ARID4A: variants seen among roughly 807,000 people sequenced by gnomAD.
ARID4A encodes AT-rich interaction domain 4A.
In ARID4A, 39 loss-of-function variants were observed where a neutral mutation model predicts 148.6. The observed-to-expected ratio is 0.26, with a 90% CI of 0.20 to 0.34. ARID4A has a LOEUF of 0.34. ARID4A is among the 10% of genes least tolerant of loss of function. ARID4A has a pLI of 1.00. For missense variants in ARID4A, 1,265 were observed against 1,449.1 expected (o/e 0.87, Z 2.06); for synonymous variants, 475 against 481.2 (o/e 0.99, Z 0.17).
intron 8 of ARID4A, among the ~76,000 whole-genome samples, chr14:58,324,152 C>T (rs1455143523): frequency 4.6e-5 from 7 of 152,244 alleles, no homozygotes; most frequent in Non-Finnish European, 1.0e-4. Flanking sequence ...GGTCCGCCCA[C>T]CTCGGCCTCC....
At chr14:58,365,791 T>C (rs2035335691) in intron 21 of ARID4A, among the ~76,000 whole-genome samples, 169 bp downstream of exon 21, 1 of 152,320 alleles carries the variant, frequency 6.6e-6, no homozygotes, top group South Asian at 2.1e-4. Context: ...CTCTAGCTCA[T>C]TCTTTTTAAC....
chr14:58,329,298 T>G (rs2033387856), intron 9 of ARID4A, among the ~76,000 whole-genome samples: 1 of 152,220 alleles, frequency 6.6e-6, no homozygotes, highest in Non-Finnish European at 1.5e-5. Flanking sequence ...ATTGAAATAT[T>G]GTGAATGTGA....
At chr14:58,340,289 A>G (rs2034048950) in intron 11 of ARID4A, among the ~76,000 whole-genome samples, 1 of 151,924 alleles carries the variant, frequency 6.6e-6, no homozygotes, top group Non-Finnish European at 1.5e-5. Flanking sequence ...GCAGTGGCGC[A>G]GTCTCAGCTG....
chr14:58,365,824 G>GT (rs1364515372), intron 21 of ARID4A, among the ~76,000 whole-genome samples, 200 bp from the exon 22 acceptor site: 3 of 151,668 alleles, frequency 2.0e-5, no homozygotes, highest in African/African-American at 7.3e-5. Context: ...GTATTCAATA[G>GT]TTTATCATTT....
rs1243957944 is a variant in ARID4A, at chr14:58,323,751, AT to A, written c.582+135del. On this transcript the variant is annotated intron_variant, in intron 8 of 23. Coordinates refer to ENST00000355431, the MANE Select transcript of ARID4A (RefSeq NM_002892.4). ...TTATTGGAGATTTTTTAATTGAATA[AT>A]CATAGTCAGGTCCATAATACTTCAC... The A allele has an allele frequency of 8.3e-6, 6 of 722,432 alleles. No individual in the cohort carries two copies. In the African/African-American group the frequency reaches 1.1e-4, roughly 13 times the overall value. 44.8% of individuals were successfully genotyped at this position (722,432 alleles called of 1,614,324 possible). A position where few individuals can be genotyped will look rare whatever the true frequency, so the allele number is the denominator to read the frequency against.
At chr14:58,328,619 G>A (rs2033346279) in intron 9 of ARID4A, among the ~76,000 whole-genome samples, 1 of 151,886 alleles carries the variant, frequency 6.6e-6, no homozygotes, top group Non-Finnish European at 1.5e-5. Flanking sequence ...CTAGTAGTAT[G>A]TGACATTTAT....
rs1425312785 is a variant in ARID4A at position 58,373,804 on chromosome 14, A to C, written c.*1815A>C. On this transcript the variant is annotated 3_prime_UTR_variant, in exon 24 of 24. Coordinates refer to ENST00000355431, the MANE Select transcript of ARID4A (RefSeq NM_002892.4). ...AGTGCTTGTAACTTACAGTTGGAAA[A>C]TCAGATTTCACAAAACCAAGCATTT... 1.9e-5 allele frequency: 3 copies of C among 157,134 alleles called. No individual in the cohort carries two copies. The East Asian group carries it at 4.8e-4, about 25-fold the overall frequency. The allele number at this position is 157,134 out of a possible 1,614,324, so 9.7% of individuals were successfully genotyped here. A position where few individuals can be genotyped will look rare whatever the true frequency, so the allele number is the denominator to read the frequency against.
At chr14:58,319,610 A>G (rs1312159275) in intron 7 of ARID4A, among the ~76,000 whole-genome samples, 2 of 118,786 alleles carry the variant, frequency 1.7e-5, no homozygotes, top group Non-Finnish European at 3.2e-5. Context: ...CAGTGGCATG[A>G]TCTTGGCTCA....
At chr14:58,364,098 G>T in intron 19 of ARID4A, 72 bp from the exon 20 acceptor site, 2 of 812,006 alleles carry the variant, frequency 2.5e-6, no homozygotes, top group Non-Finnish European at 1.7e-6. Flanking sequence ...GTTATTTTTG[G>T]TAAGATTTTT....
Position 58,350,634 on chromosome 14 carries a change from G to C in ARID4A, c.1405-439G>C, listed in dbSNP as rs1175336104. Among the ~76,000 whole-genome samples the C allele has an allele frequency of 2.0e-5, 3 of 152,162 alleles. 1 individual carries two copies. Among genetic ancestry groups the C allele is most frequent in the Admixed American group, 2.0e-4 (3 of 15,278 alleles). On this transcript the variant is annotated intron_variant, in intron 15 of 23. Coordinates refer to ENST00000355431, the MANE Select transcript of ARID4A (RefSeq NM_002892.4). Reference sequence around the variant, plus strand: ...TTTTGTCTTACTAACGGTAGAATTAGAGACCACAGAGCCTTTAAAGAAGCA... The same window carrying C: ...TTTTGTCTTACTAACGGTAGAATTACAGACCACAGAGCCTTTAAAGAAGCA...
Position 58,365,036 on chromosome 14 carries a change from T to C in ARID4A, c.2947T>C (p.Ser983Pro). 1 of 1,614,158 alleles carries C rather than the reference T, an allele frequency of 6.2e-7. No homozygotes were observed. The highest frequency in any genetic ancestry group is 8.5e-7 in the Non-Finnish European group (1 of 1,180,006). Reference protein sequence around the residue: ...TSIEDVAVESSESNSLVSIPP... With the variant: ...TSIEDVAVESPESNSLVSIPP... ...CATTGAGGATGTAGCAGTTGAAAGC[T>C]CTGAGTCTAACTCTCTTGTTTCTAT... Residue 983 changes from serine (S) to proline (P), a missense_variant, in exon 20 of 24, where the codon TCT becomes CCT. Ser to Pro is a moderately conservative substitution (Grantham distance 74). Transcript: ENST00000355431.
At chr14:58,333,001 A>G (rs558264005) in intron 11 of ARID4A, among the ~76,000 whole-genome samples, 81 of 152,212 alleles carry the variant, frequency 5.3e-4, no homozygotes, top group African/African-American at 1.9e-3. Context: ...ACTAGCCTTA[A>G]TAAGGAGATT....
chr14:58,366,812 T>G, intron 22 of ARID4A, 71 bp from the exon 23 acceptor site: 2 of 1,214,734 alleles, frequency 1.6e-6, no homozygotes, highest in Admixed American at 5.7e-5. Context: ...GTTAGACGTT[T>G]GATAGAATTG....
chr14:58,318,862 G>T (rs2032651165), intron 7 of ARID4A, 57 bp downstream of exon 7: 1 of 1,424,140 alleles, frequency 7.0e-7, no homozygotes, highest in South Asian at 1.2e-5. Flanking sequence ...CCTTAAACAA[G>T]GGATTTTGTT....
chr14:58,322,080 C>T (rs1014194719), intron 7 of ARID4A, among the ~76,000 whole-genome samples: 10 of 151,846 alleles, frequency 6.6e-5, no homozygotes, highest in African/African-American at 2.2e-4. Flanking sequence ...AAGTGATTCT[C>T]GTGCCTCAGC....
At chr14:58,348,895 G>C (rs2034500861) in intron 15 of ARID4A, among the ~76,000 whole-genome samples, 1 of 151,750 alleles carries the variant, frequency 6.6e-6, no homozygotes, top group Non-Finnish European at 1.5e-5. Flanking sequence ...CTCTTTTTAA[G>C]TGTACACTTC....
At chr14:58,365,849 G>A (rs552023112) in intron 21 of ARID4A, among the ~76,000 whole-genome samples, 175 bp from the exon 22 acceptor site, 7 of 151,644 alleles carry the variant, frequency 4.6e-5, no homozygotes, top group East Asian at 1.9e-4. Flanking sequence ...CCATTTCCCC[G>A]TTGGTGAGCA....
chr14:58,316,550 A>G (rs2032424638), intron 5 of ARID4A, among the ~76,000 whole-genome samples: 1 of 152,156 alleles, frequency 6.6e-6, no homozygotes, highest in Non-Finnish European at 1.5e-5. Context: ...ATTTCCTTGA[A>G]ATGTTTAAAT....
At chr14:58,361,067 T>C (rs773191719) in intron 19 of ARID4A, 25 bp downstream of exon 19, 26 of 1,601,400 alleles carry the variant, frequency 1.6e-5, no homozygotes, top group South Asian at 1.0e-4. Flanking sequence ...CGCAGCAATA[T>C]ACCAGACAGC....
Sources: allele counts gnomAD v4.1 joint callset (sites outside exome capture counted in the v4.1 genomes callset), GRCh38; gene constraint gnomAD v4.1.1; transcripts MANE v1.5; gene names NCBI Gene and HGNC (gene_info 2026-07-23, HGNC 2026-07-21).